Variants in SLC25A48 observed in about 807,000 individuals in gnomAD.
SLC25A48 encodes the protein CTC-321K16.1.
Under a neutral mutation model 32.2 loss-of-function variants are expected in SLC25A48, and 29 were observed. The observed-to-expected ratio is 0.90, with a 90% CI of 0.67 to 1.23. SLC25A48 has a LOEUF of 1.23. SLC25A48 is among the 50% of genes most tolerant of loss of function. The pLI, the probability that SLC25A48 is intolerant of heterozygous loss-of-function variation, is 0.00. For synonymous variants in SLC25A48, 164 were observed against 172.3 expected (o/e 0.95, Z 0.38); for missense variants, 399 against 422.7 (o/e 0.94, Z 0.49).
At chr5:135,726,470 T>C in intron 3 of SLC25A48, among the ~76,000 whole-genome samples, 1 of 152,330 alleles carries the variant, frequency 6.6e-6, no homozygotes, top group East Asian at 1.9e-4. Flanking sequence ...ACCTCCCTCT[T>C]GCCTCCATTC....
intron 4 of SLC25A48, among the ~76,000 whole-genome samples, chr5:135,858,950 A>T (rs1366824822): frequency 2.0e-5 from 3 of 152,114 alleles, no homozygotes; most frequent in African/African-American, 7.2e-5. Flanking sequence ...AGACAGGATC[A>T]ACTACTGGAG....
At chr5:135,641,560 T>A (rs1242045363) in intron 3 of SLC25A48, among the ~76,000 whole-genome samples, 1 of 152,192 alleles carries the variant, frequency 6.6e-6, no homozygotes, top group Non-Finnish European at 1.5e-5. Context: ...AGTCAGTTCT[T>A]ATTAATACTA....
intron 3 of SLC25A48, among the ~76,000 whole-genome samples, chr5:135,667,752 AC>A (rs1440739686): frequency 1.3e-5 from 2 of 152,226 alleles, no homozygotes; most frequent in Non-Finnish European, 2.9e-5. Context: ...TGAATGAATG[AC>A]GTAAAGCCAT....
chr5:135,628,798 C>T (rs972471358), intron 1 of SLC25A48, among the ~76,000 whole-genome samples: 3 of 152,146 alleles, frequency 2.0e-5, no homozygotes, highest in Non-Finnish European at 2.9e-5. Context: ...GTCCTCCCTC[C>T]CTCCTATTTT....
intron 7 of SLC25A48, among the ~76,000 whole-genome samples, chr5:135,881,026 A>G (rs922222643): frequency 1.3e-5 from 2 of 151,930 alleles, no homozygotes; most frequent in Non-Finnish European, 2.9e-5. Context: ...CTTTGCACTA[A>G]TGGTGCCTGG....
chr5:135,775,278 C>G (rs896702288), intron 3 of SLC25A48, among the ~76,000 whole-genome samples: 40 of 151,554 alleles, frequency 2.6e-4, no homozygotes, highest in African/African-American at 6.0e-4. Flanking sequence ...TGTACAGCCC[C>G]TTGTGATATT....
At chr5:135,839,356 A>C (rs1758805003) in intron 1 of SLC25A48, among the ~76,000 whole-genome samples, 1 of 152,166 alleles carries the variant, frequency 6.6e-6, no homozygotes. Context: ...GAGCTTTAAG[A>C]TTTGGTTGCC....
intron 6 of SLC25A48, among the ~76,000 whole-genome samples, chr5:135,874,452 C>T (rs536944034): frequency 2.0e-5 from 3 of 152,318 alleles, no homozygotes; most frequent in South Asian, 2.1e-4. Flanking sequence ...TGTCTGTCTC[C>T]GCATTTTGCC....
At chr5:135,861,998 G>T (rs996850282) in intron 4 of SLC25A48, among the ~76,000 whole-genome samples, 1 of 152,252 alleles carries the variant, frequency 6.6e-6, no homozygotes, top group Non-Finnish European at 1.5e-5. Context: ...GTGTTCAGTT[G>T]TATGTGCCTG....
intron 3 of SLC25A48, among the ~76,000 whole-genome samples, chr5:135,728,412 C>T (rs1755142576): frequency 6.6e-6 from 1 of 152,060 alleles, no homozygotes; most frequent in East Asian, 1.9e-4. Context: ...ATCTTTCACC[C>T]AACAATATAA....
chr5:135,652,277 C>G (rs957613337), intron 3 of SLC25A48: 36 of 427,836 alleles, frequency 8.4e-5, no homozygotes, highest in Non-Finnish European at 1.5e-4. Flanking sequence ...AGATTGATTA[C>G]AATGGACCTT....
intron 3 of SLC25A48, among the ~76,000 whole-genome samples, chr5:135,796,566 T>C (rs1005879765): frequency 6.7e-6 from 1 of 148,660 alleles, no homozygotes; most frequent in African/African-American, 2.5e-5. Context: ...TGGTTCATAA[T>C]ATCCACAGGG....
At chr5:135,665,634 A>G (rs930091009) in intron 3 of SLC25A48, among the ~76,000 whole-genome samples, 1 of 152,206 alleles carries the variant, frequency 6.6e-6, no homozygotes. Context: ...ATCGCGTTTT[A>G]CATGTGGCTA....
chr5:135,608,784 G>A (rs1012357748), intron 1 of SLC25A48, among the ~76,000 whole-genome samples: 1 of 152,212 alleles, frequency 6.6e-6, no homozygotes, highest in Admixed American at 6.5e-5. Context: ...AGAGTGAGAG[G>A]AAATTAGTGA....
rs1179168448 is a variant in SLC25A48, at chr5:135,799,179, A to G, written c.-520-13344A>G. On this transcript the variant is annotated intron_variant, in intron 3 of 10. Transcript: ENST00000646290. ...ACAGCACCCTGTGATATTCTTCCTA[A>G]TATCCAGAAGGAAAGAGAATGCCAT... Among the ~76,000 whole-genome samples the G allele has an allele frequency of 2.0e-5, 3 of 151,884 alleles. No homozygotes were observed. The East Asian group carries it at 5.8e-4, about 29-fold the overall frequency.
chr5:135,739,390 T>C (rs1380211768), intron 3 of SLC25A48, among the ~76,000 whole-genome samples: 1 of 152,182 alleles, frequency 6.6e-6, no homozygotes, highest in Non-Finnish European at 1.5e-5. Context: ...GTCTCATGGC[T>C]CAGACTTATG....
chr5:135,834,675 G>A lies in SLC25A48; in HGVS notation c.-173G>A. On this transcript the variant is annotated 5_prime_UTR_variant, in exon 1 of 8. Coordinates refer to ENST00000681962, the MANE Select transcript of SLC25A48 (RefSeq NM_001349336.2). ...GCCGCCCTCCGGCACTTGGAGAGGT[G>A]AGCGCGGCAGCCCGCGCAGCCGGTG... 1.5e-6 allele frequency: 1 copy of A among 676,550 alleles called. No individual in the cohort carries two copies. Among genetic ancestry groups the A allele is most frequent in the South Asian group, 2.1e-5 (1 of 47,672 alleles). 41.9% of individuals were successfully genotyped at this position (676,550 alleles called of 1,614,324 possible). A position where few individuals can be genotyped will look rare whatever the true frequency, so the allele number is the denominator to read the frequency against.
At chr5:135,598,955 G>A (rs1446735653) in intron 1 of SLC25A48, among the ~76,000 whole-genome samples, 1 of 152,124 alleles carries the variant, frequency 6.6e-6, no homozygotes, top group Non-Finnish European at 1.5e-5. Flanking sequence ...AGCTGGGCTG[G>A]ATTCTATTTA....
intron 1 of SLC25A48, among the ~76,000 whole-genome samples, chr5:135,624,557 G>A (rs1038724498): frequency 6.6e-6 from 1 of 152,232 alleles, no homozygotes; most frequent in South Asian, 2.1e-4. Flanking sequence ...TTTGGCAAAT[G>A]CTGTTCCAAG....
Sources: allele counts gnomAD v4.1 joint callset (sites outside exome capture counted in the v4.1 genomes callset), GRCh38; gene constraint gnomAD v4.1.1; transcripts MANE v1.5; gene names NCBI Gene and HGNC (gene_info 2026-07-23, HGNC 2026-07-21).